The following HADHB variants were observed in gnomAD, a reference collection of about 807,000 sequenced individuals.
HADHB encodes the protein trifunctional enzyme subunit beta, mitochondrial.
HADHB carries 50 observed loss-of-function variants against 61.9 expected under a neutral mutation model. The ratio of observed to expected loss-of-function variants is 0.81; its 90% CI spans 0.64 to 1.02. The LOEUF is 1.02. HADHB is among the 50% of genes least tolerant of loss of function. The probability of loss-of-function intolerance (pLI) is 0.00; values close to 1 mark genes in which losing one functional copy is unlikely to be tolerated. For synonymous variants in HADHB, 191 were observed against 201.6 expected, an observed-to-expected ratio of 0.95 and a Z score of 0.45; for missense variants, 504 against 586.5, an observed-to-expected ratio of 0.86 and a Z score of 1.45.
chr2:26,270,589 C>T (rs2147817028), intron 5 of HADHB, among the ~76,000 whole-genome samples: 1 of 152,192 alleles, frequency 6.6e-6, no homozygotes, highest in Admixed American at 6.5e-5. Flanking sequence ...ATACCTCAAG[C>T]ATGAGTGAAA....
At chr2:26,267,401 C>T (rs1039677710) in intron 4 of HADHB, among the ~76,000 whole-genome samples, 6 of 151,994 alleles carry the variant, frequency 3.9e-5, no homozygotes, top group South Asian at 4.2e-4. Context: ...CAGGAGCTAC[C>T]GGTCACCAAA....
intron 8 of HADHB, 118 bp downstream of exon 8, chr2:26,278,919 C>A (rs1672670339): frequency 9.7e-7 from 1 of 1,034,986 alleles, no homozygotes; most frequent in Non-Finnish European, 1.5e-6. Flanking sequence ...GGGTTAATTA[C>A]TTGCTCAAGA....
At chr2:26,282,965 T>C (rs917588072) in intron 11 of HADHB, 39 bp from the exon 12 acceptor site, 1 of 1,601,004 alleles carries the variant, frequency 6.2e-7, no homozygotes, top group Non-Finnish European at 8.6e-7. Context: ...GATTTCTTTA[T>C]TTTATTACCA....
intron 6 of HADHB, among the ~76,000 whole-genome samples, chr2:26,275,027 G>T (rs1468717163): frequency 2.0e-5 from 3 of 152,120 alleles, no homozygotes; most frequent in African/African-American, 7.2e-5. Context: ...TTGACAGGAG[G>T]TAGATTCCCT....
At chr2:26,257,111 T>G (rs1051707451) in intron 3 of HADHB, among the ~76,000 whole-genome samples, 3 of 151,616 alleles carry the variant, frequency 2.0e-5, no homozygotes, top group South Asian at 2.1e-4. Context: ...AGAGCTCCCC[T>G]TCTTTTTTTT....
intron 3 of HADHB, among the ~76,000 whole-genome samples, chr2:26,258,577 C>T (rs1389612975): frequency 3.3e-5 from 5 of 152,132 alleles, no homozygotes; most frequent in Admixed American, 2.6e-4. Flanking sequence ...GGGTCTGCGA[C>T]AGTGGCGAAC....
At chr2:26,266,811 C>G (rs956009968) in intron 4 of HADHB, among the ~76,000 whole-genome samples, 5 of 142,886 alleles carry the variant, frequency 3.5e-5, no homozygotes, top group Admixed American at 7.4e-5. Context: ...GCCCAGGAAG[C>G]ACGTTGCACC....
rs1296565242 is a variant in HADHB, at chr2:26,273,680, A to T, written c.284A>T (p.Lys95Met). 5 of 1,607,470 alleles carry T rather than the reference A, an allele frequency of 3.1e-6. No individual in the cohort carries two copies. In the South Asian group the frequency reaches 5.5e-5, roughly 18 times the overall value. The change falls in exon 6 of 16, where the codon AAG becomes ATG. Residue 95 changes from lysine to methionine, a missense_variant. Transcript: ENST00000317799. ...TTGTTGCATCGGACCAGTGTCCCTAAGGAAGTAGTTGATTATATCATCTTT... is the reference window on the plus strand; with the variant it reads ...TTGTTGCATCGGACCAGTGTCCCTATGGAAGTAGTTGATTATATCATCTTT... ...TGLLHRTSVP[K>M]EVVDYIIFGT...
chr2:26,270,507 A>AAGG (rs1672292814), intron 5 of HADHB, among the ~76,000 whole-genome samples: 1 of 151,624 alleles, frequency 6.6e-6, no homozygotes, highest in Admixed American at 6.6e-5. Context: ...GTTCTTTCTT[A>AAGG]GTTTGGAGAA....
At chr2:26,286,506 G>A (rs1673038363) in intron 15 of HADHB, among the ~76,000 whole-genome samples, 1 of 151,828 alleles carries the variant, frequency 6.6e-6, no homozygotes. Flanking sequence ...TTTGTTTTTT[G>A]TTTGTTTGTT....
intron 3 of HADHB, among the ~76,000 whole-genome samples, chr2:26,261,953 A>G (rs1437380246): frequency 1.3e-5 from 2 of 151,916 alleles, no homozygotes; most frequent in African/African-American, 2.4e-5. Flanking sequence ...CTCTTTACTC[A>G]TGTTGATACT....
chr2:26,279,911 G>A (rs1417662217), intron 9 of HADHB, 83 bp from the exon 10 acceptor site: 3 of 1,040,490 alleles, frequency 2.9e-6, no homozygotes, highest in Non-Finnish European at 4.5e-6. Flanking sequence ...ATTTGTTTTT[G>A]TAATTTTTAA....
chr2:26,290,232 G>C lies in HADHB; in HGVS notation c.*279G>C. ...CTGTTGTCACTAAAGACTAAATGAG[G>C]GTTTGCAGTTGGGAAAGAGGTCAAC... On this transcript the variant is annotated 3_prime_UTR_variant, in exon 16 of 16. Coordinates refer to ENST00000317799, the MANE Select transcript of HADHB (RefSeq NM_000183.3). The C allele has an allele frequency of 2.1e-6, 1 of 485,116 alleles. No individual in the cohort carries two copies. The highest frequency in any genetic ancestry group is 3.7e-6 in the Non-Finnish European group (1 of 267,694). The allele number at this position is 485,116 out of a possible 1,614,324, so 30.1% of individuals were successfully genotyped here.
At chr2:26,288,015 G>C (rs77795672) in intron 15 of HADHB, among the ~76,000 whole-genome samples, 2,341 of 152,204 alleles carry the variant, frequency 0.015, 62 homozygotes, top group African/African-American at 0.052. Flanking sequence ...GCCTGTGATC[G>C]CAGCATTTTG....
At chr2:26,264,065 G>A (rs1336897693) in intron 4 of HADHB, among the ~76,000 whole-genome samples, 1 of 152,068 alleles carries the variant, frequency 6.6e-6, no homozygotes, top group Admixed American at 6.6e-5. Flanking sequence ...GCTGATAATG[G>A]ACTTTGATAA....
chr2:26,288,602 G>A (rs960203733), intron 15 of HADHB, among the ~76,000 whole-genome samples: 7 of 151,616 alleles, frequency 4.6e-5, no homozygotes, highest in African/African-American at 1.5e-4. Flanking sequence ...CCAGCTACTC[G>A]GGAGGCTGAG....
At chr2:26,286,169 A>G (rs1323081649) in intron 15 of HADHB, among the ~76,000 whole-genome samples, 1 of 152,220 alleles carries the variant, frequency 6.6e-6, no homozygotes, top group Admixed American at 6.5e-5. Context: ...AAGTATATAG[A>G]AAAAGTTAGA....
chr2:26,289,311 C>G lies in HADHB; in HGVS notation c.1390-607C>G, dbSNP rs1673172072. On this transcript the variant is annotated intron_variant, in intron 15 of 15. Transcript: ENST00000317799. ...TCTACTTCTTCCCTTTGTGGTCCCT[C>G]AGATCATTATCTTAACCTGTGTAGA... is the stretch of plus-strand genomic sequence containing the variant. Among the ~76,000 whole-genome samples the G allele has an allele frequency of 2.0e-5, 3 of 152,174 alleles. No individual in the cohort carries two copies. The South Asian group carries it at 6.2e-4, about 32-fold the overall frequency.
At chr2:26,285,701 T>A in intron 15 of HADHB, 130 bp downstream of exon 15, 2 of 446,408 alleles carry the variant, frequency 4.5e-6, no homozygotes, top group East Asian at 7.9e-5. Context: ...TGGGGAGGGA[T>A]AACAGCTGTA....
Sources: allele counts gnomAD v4.1 joint callset (sites outside exome capture counted in the v4.1 genomes callset), GRCh38; gene constraint gnomAD v4.1.1; transcripts MANE v1.5; gene names NCBI Gene and HGNC (gene_info 2026-07-23, HGNC 2026-07-21).